LLPH: variants seen among roughly 807,000 people sequenced by gnomAD.
LLPH encodes protein LLP homolog.
A neutral mutation model predicts 13.3 loss-of-function variants in LLPH; 5 were observed. The observed-to-expected ratio is 0.38, with a 90% CI of 0.20 to 0.79. LLPH has a LOEUF of 0.79. Among genes scored for constraint, LLPH ranks in the 30% least tolerant of loss-of-function variants. The pLI is 0.45. For missense variants in LLPH, 129 were observed against 152.1 expected, an observed-to-expected ratio of 0.85 and a Z score of 0.80; for synonymous variants, 32 against 44.2, an observed-to-expected ratio of 0.72 and a Z score of 1.09.
chr12:66,123,686 G>A lies in LLPH; in HGVS notation c.*154C>T, dbSNP rs2051478169. The A allele has an allele frequency of 1.5e-6, 1 of 687,404 alleles. No homozygotes were observed. Among genetic ancestry groups the A allele is most frequent in the Admixed American group, 3.0e-5 (1 of 33,736 alleles). 42.6% of individuals were successfully genotyped at this position (687,404 alleles called of 1,614,324 possible). Reference sequence around the variant, plus strand: ...ATTCAAGTTCCCAAAACAAACTTGAGGAGTTATGCTGGGTTTGAATTGAAG... The same window carrying A: ...ATTCAAGTTCCCAAAACAAACTTGAAGAGTTATGCTGGGTTTGAATTGAAG... On this transcript the variant is annotated 3_prime_UTR_variant, in exon 3 of 3. Transcript: ENST00000266604.
chr12:66,130,246 T>C (rs1054247598), intron 1 of LLPH, among the ~76,000 whole-genome samples: 3 of 152,118 alleles, frequency 2.0e-5, no homozygotes, highest in Non-Finnish European at 4.4e-5. Context: ...AAACCATTGT[T>C]TTCTGTCACG....
rs1352910520 is a variant in LLPH, at chr12:66,117,838, A to G, written c.*6002T>C. 6.6e-6 allele frequency: 1 copy of G among 152,214 alleles called. No individual in the cohort carries two copies. Among genetic ancestry groups the G allele is most frequent in the Non-Finnish European group, 1.5e-5 (1 of 68,042 alleles). 9.4% of individuals were successfully genotyped at this position (152,214 alleles called of 1,614,324 possible). A position where few individuals can be genotyped will look rare whatever the true frequency, so the allele number is the denominator to read the frequency against. ...AAAAAACTTAAGAAGTAAAAAAAGAAATTAAAAAATTAAAAATTGTGGAAA... is the reference window on the plus strand; with the variant it reads ...AAAAAACTTAAGAAGTAAAAAAAGAGATTAAAAAATTAAAAATTGTGGAAA... On this transcript the variant is annotated 3_prime_UTR_variant, in exon 3 of 3. Transcript: ENST00000266604.
chr12:66,121,132 T>C lies in LLPH; in HGVS notation c.*2708A>G, dbSNP rs934516426. 3 of 152,204 alleles carry C rather than the reference T, an allele frequency of 2.0e-5. No individual in the cohort carries two copies. Among genetic ancestry groups the C allele is most frequent in the African/African-American group, 4.8e-5 (2 of 41,452 alleles). The allele number at this position is 152,204 out of a possible 1,614,324, so 9.4% of individuals were successfully genotyped here. ...GAAAATCCTAACATCAGAGAGGCTC[T>C]GGATGAAAGCTCAAAGCTACTATCA... On this transcript the variant is annotated 3_prime_UTR_variant, in exon 3 of 3. Transcript: ENST00000266604.
chr12:66,123,583 G>A lies in LLPH; in HGVS notation c.*257C>T. 1 of 471,262 alleles carries A rather than the reference G, an allele frequency of 2.1e-6. No homozygotes were observed. Among genetic ancestry groups the A allele is most frequent in the Non-Finnish European group, 3.7e-6 (1 of 266,858 alleles). 29.2% of individuals were successfully genotyped at this position (471,262 alleles called of 1,614,324 possible). On this transcript the variant is annotated 3_prime_UTR_variant, in exon 3 of 3. Coordinates refer to ENST00000266604, the MANE Select transcript of LLPH (RefSeq NM_032338.4). Reference sequence around the variant, plus strand: ...ATATTAATACCTGACAGAACGTTGAGGCCTGATTATAACTGGATATTGGGT... The same window carrying A: ...ATATTAATACCTGACAGAACGTTGAAGCCTGATTATAACTGGATATTGGGT...
rs1307560299 is a variant in LLPH at position 66,116,842 on chromosome 12, T to G, written c.*6998A>C. ...TGAAGGACTTTACTCCATTCATTTT[T>G]CTTTACAGGACTATTGCAGTACCAT... On this transcript the variant is annotated 3_prime_UTR_variant, in exon 3 of 3. Coordinates refer to ENST00000266604, the MANE Select transcript of LLPH (RefSeq NM_032338.4). The G allele has an allele frequency of 1.3e-5, 2 of 152,260 alleles. No individual in the cohort carries two copies. Among genetic ancestry groups the G allele is most frequent in the Non-Finnish European group, 2.9e-5 (2 of 68,040 alleles). The allele number at this position is 152,260 out of a possible 1,614,324, so 9.4% of individuals were successfully genotyped here.
chr12:66,129,731 A>T (rs899047675), intron 1 of LLPH, among the ~76,000 whole-genome samples: 7 of 152,176 alleles, frequency 4.6e-5, no homozygotes, highest in Non-Finnish European at 1.0e-4. Context: ...AGAATGCAAC[A>T]GCGTCATCAC....
In LLPH at chr12:66,123,188, T is replaced by TG. The variant is rs2051474787; in HGVS notation, c.*651dup. The stretch of plus-strand genomic sequence containing the variant: ...CTCCATTGCCCAGGGTGGAGTGCAG[T>TG]GGGGCAATCTTGGCTCACTGCAACC... On this transcript the variant is annotated 3_prime_UTR_variant, in exon 3 of 3. Coordinates refer to ENST00000266604, the MANE Select transcript of LLPH (RefSeq NM_032338.4). The TG allele has an allele frequency of 2.0e-5, 3 of 151,792 alleles. No individual in the cohort carries two copies. The South Asian group carries it at 6.3e-4, about 32-fold the overall frequency. 9.4% of individuals were successfully genotyped at this position (151,792 alleles called of 1,614,324 possible).
chr12:66,129,587 G>T (rs1247780379), intron 1 of LLPH, among the ~76,000 whole-genome samples: 1 of 151,934 alleles, frequency 6.6e-6, no homozygotes, highest in African/African-American at 2.4e-5. Flanking sequence ...GGTTTTCACC[G>T]TGTTAGCCAG....
rs547947922 is a variant in LLPH at position 66,120,022 on chromosome 12, T to G, written c.*3818A>C. 1.3e-5 allele frequency: 2 copies of G among 152,368 alleles called. No homozygotes were observed. Among genetic ancestry groups the G allele is most frequent in the African/African-American group, 4.8e-5 (2 of 41,590 alleles). The allele number at this position is 152,368 out of a possible 1,614,324, so 9.4% of individuals were successfully genotyped here. Reference sequence around the variant, plus strand: ...AATAGGATGTGGTCAAAACCACTACTTGATTCTACCTTAGAGCTTCAACTG... The same window carrying G: ...AATAGGATGTGGTCAAAACCACTACGTGATTCTACCTTAGAGCTTCAACTG... On this transcript the variant is annotated 3_prime_UTR_variant, in exon 3 of 3. Transcript: ENST00000266604.
chr12:66,128,873 A>G, intron 2 of LLPH, 23 bp downstream of exon 2: 1 of 1,532,900 alleles, frequency 6.5e-7, no homozygotes, highest in Non-Finnish European at 8.9e-7. Context: ...AAAAAGAGAA[A>G]GAAAAAGGAG....
In LLPH at chr12:66,123,052, A is replaced by T. The variant is rs1233363765; in HGVS notation, c.*788T>A. On this transcript the variant is annotated 3_prime_UTR_variant, in exon 3 of 3. Coordinates refer to ENST00000266604, the MANE Select transcript of LLPH (RefSeq NM_032338.4). Reference sequence around the variant, plus strand: ...CTTAAGCATACATGAAAGAAAAAAAAATCAGACTTGAAGATCTACACACAA... The same window carrying T: ...CTTAAGCATACATGAAAGAAAAAAATATCAGACTTGAAGATCTACACACAA... The T allele has an allele frequency of 8.6e-6, 1 of 116,380 alleles. No individual in the cohort carries two copies. Among genetic ancestry groups the T allele is most frequent in the Non-Finnish European group, 1.9e-5 (1 of 51,902 alleles). 7.2% of individuals were successfully genotyped at this position (116,380 alleles called of 1,614,324 possible). A position where few individuals can be genotyped will look rare whatever the true frequency, so the allele number is the denominator to read the frequency against.
At position 66,120,488 on chromosome 12, in the gene LLPH, T is replaced by C. The variant is rs2051456336; in HGVS notation, c.*3352A>G. 6.6e-6 allele frequency: 1 copy of C among 152,222 alleles called. No individual in the cohort carries two copies. The highest frequency in any genetic ancestry group is 2.4e-5 in the African/African-American group (1 of 41,456). The allele number at this position is 152,222 out of a possible 1,614,324, so 9.4% of individuals were successfully genotyped here. ...TAGTACCAAACTCAGATAACATTAG[T>C]ACCAAACTCATGAGATTGCTGGGCA... On this transcript the variant is annotated 3_prime_UTR_variant, in exon 3 of 3. Coordinates refer to ENST00000266604, the MANE Select transcript of LLPH (RefSeq NM_032338.4).
intron 2 of LLPH, among the ~76,000 whole-genome samples, chr12:66,125,579 TC>T (rs1383116019): frequency 1.3e-5 from 2 of 151,680 alleles, no homozygotes; most frequent in Non-Finnish European, 2.9e-5. Flanking sequence ...CATCCAGAAT[TC>T]CCCAGGCAGG....
chr12:66,127,877 C>T (rs754863792), intron 2 of LLPH, among the ~76,000 whole-genome samples: 1 of 152,100 alleles, frequency 6.6e-6, no homozygotes, highest in African/African-American at 2.4e-5. Flanking sequence ...TTGGCAATGA[C>T]CCAGTGGAGG....
chr12:66,128,454 T>C (rs1248673110), intron 2 of LLPH, among the ~76,000 whole-genome samples: 1 of 152,084 alleles, frequency 6.6e-6, no homozygotes, highest in Non-Finnish European at 1.5e-5. Context: ...ATAGGACTCA[T>C]AGAATGGGAA....
chr12:66,126,121 G>A (rs1049498063), intron 2 of LLPH, among the ~76,000 whole-genome samples: 11 of 151,758 alleles, frequency 7.2e-5, no homozygotes, highest in African/African-American at 2.7e-4. Context: ...TCAGGAGATC[G>A]AGACCATCCT....
At chr12:66,125,238 T>C (rs2051489081) in intron 2 of LLPH, among the ~76,000 whole-genome samples, 1 of 152,186 alleles carries the variant, frequency 6.6e-6, no homozygotes, top group Admixed American at 6.5e-5. Context: ...AAAAGGCTCC[T>C]ATAATAGTAC....
In LLPH at chr12:66,121,574, T is replaced by G. The variant is rs1242412432; in HGVS notation, c.*2266A>C. The G allele has an allele frequency of 6.6e-6, 1 of 151,508 alleles. No homozygotes were observed. The highest frequency in any genetic ancestry group is 1.5e-5 in the Non-Finnish European group (1 of 67,932). The allele number at this position is 151,508 out of a possible 1,614,324, so 9.4% of individuals were successfully genotyped here. A position where few individuals can be genotyped will look rare whatever the true frequency, so the allele number is the denominator to read the frequency against. On this transcript the variant is annotated 3_prime_UTR_variant, in exon 3 of 3. Coordinates refer to ENST00000266604, the MANE Select transcript of LLPH (RefSeq NM_032338.4). ...TAGAATTTGGTGCCTGGCCCCCTTT[T>G]CCAAAAATCATAAAAAATGTCTACA...
At chr12:66,124,298 T>C (rs1316897464) in intron 2 of LLPH, among the ~76,000 whole-genome samples, 1 of 152,214 alleles carries the variant, frequency 6.6e-6, no homozygotes, top group Non-Finnish European at 1.5e-5. Context: ...ATTAAGTGAT[T>C]CCTTGAGTTC....
Sources: allele counts gnomAD v4.1 joint callset (sites outside exome capture counted in the v4.1 genomes callset), GRCh38; gene constraint gnomAD v4.1.1; transcripts MANE v1.5; gene names NCBI Gene and HGNC (gene_info 2026-07-23, HGNC 2026-07-21).